RRBP1: variants seen among roughly 807,000 people sequenced by gnomAD.
RRBP1 encodes the protein ribosome binding protein 1.
In RRBP1, 94 loss-of-function variants were observed where a neutral mutation model predicts 165.2. The observed-to-expected ratio is 0.57, with a 90% CI of 0.48 to 0.68. The LOEUF is 0.68. RRBP1 is among the 30% of genes least tolerant of loss of function. The pLI is 0.00. For missense variants in RRBP1, 1,676 were observed against 1,763.0 expected, an observed-to-expected ratio of 0.95 and a Z score of 0.88; for synonymous variants, 680 against 714.5, an observed-to-expected ratio of 0.95 and a Z score of 0.77.
chr20:17,652,393 G>A (rs758601831), intron 3 of RRBP1, among the ~76,000 whole-genome samples: 14 of 152,176 alleles, frequency 9.2e-5, no homozygotes, highest in Non-Finnish European at 1.9e-4. Context: ...TCCCATATGG[G>A]ACAGCACAGC....
At chr20:17,674,908 G>A (rs1318308142) in intron 2 of RRBP1, among the ~76,000 whole-genome samples, 1 of 152,212 alleles carries the variant, frequency 6.6e-6, no homozygotes, top group Non-Finnish European at 1.5e-5. Context: ...AATGCTCAGT[G>A]ACTCTGCAAG....
chr20:17,681,208 G>A (rs2037176764), intron 1 of RRBP1, among the ~76,000 whole-genome samples: 1 of 148,626 alleles, frequency 6.7e-6, no homozygotes, highest in Admixed American at 6.7e-5. Context: ...CGGGCGGGGC[G>A]GGCCGGGCCC....
intron 19 of RRBP1, chr20:17,619,055 T>C (rs1352525758): frequency 4.4e-6 from 1 of 225,670 alleles, no homozygotes; most frequent in Non-Finnish European, 8.8e-6. Flanking sequence ...CCTAAGCAGC[T>C]GGGAACGGAG....
intron 13 of RRBP1, among the ~76,000 whole-genome samples, chr20:17,622,579 C>T (rs2035935962): frequency 6.6e-6 from 1 of 152,040 alleles, no homozygotes; most frequent in Non-Finnish European, 1.5e-5. Flanking sequence ...ACTTTGCACC[C>T]TGTGCCATGC....
Position 17,641,842 on chromosome 20 carries a change from C to G in RRBP1, c.2139G>C (p.Gln713His), listed in dbSNP as rs753687133. The change falls in exon 5 of 25, where the codon CAG (glutamine) becomes CAC (histidine). Residue 713 changes from glutamine (Q) to histidine (H), a missense_variant. By Grantham distance (24) the Gln-to-His change is conservative. Coordinates refer to ENST00000377813, the MANE Select transcript of RRBP1 (RefSeq NM_001365613.2). ...TGCTCTTGGCGACAGCCGCATCTTC[C>G]TGTTCTGTGGCCAGCAGTTTTTCCT... ...EEKEKLLATE[Q>H]EDAAVAKSKL... 6.2e-7 allele frequency: 1 copy of G among 1,613,998 alleles called. No individual in the cohort carries two copies. The highest frequency in any genetic ancestry group is 1.7e-5 in the Admixed American group (1 of 60,028).
chr20:17,621,875 G>C lies in RRBP1; in HGVS notation c.3220C>G (p.Leu1074Val). ...CCTACCTGTTGTGCCAAGACAGAGA[G>C]TTCTGGGAGCAGAGCCAGCAGGGCC... ...MEALLALLPE[L>V]SVLAQQNYTE... Residue 1074 changes from leucine (L) to valine (V), a missense_variant, in exon 14 of 25, where the codon CTC becomes GTC. By Grantham distance (32) the Leu-to-Val change is conservative (BLOSUM62 1). This residue lies in a region of RRBP1 where 1,184 missense variants were observed against 1,167.1 expected (regional missense o/e 1.01). Coordinates refer to ENST00000377813, the MANE Select transcript of RRBP1 (RefSeq NM_001365613.2). 2 of 1,613,916 alleles carry C rather than the reference G, an allele frequency of 1.2e-6. No individual in the cohort carries two copies. Among genetic ancestry groups the C allele is most frequent in the Non-Finnish European group, 8.5e-7 (1 of 1,179,978 alleles).
At chr20:17,668,193 G>C (rs1368777902) in intron 2 of RRBP1, among the ~76,000 whole-genome samples, 1 of 152,106 alleles carries the variant, frequency 6.6e-6, no homozygotes, top group Admixed American at 6.6e-5. Context: ...TTCGAAAATG[G>C]CCTGCTCCCT....
rs139677789 is a variant in RRBP1 at position 17,624,527 on chromosome 20, T to C, written c.3147+49A>G. The C allele has an allele frequency of 9.1e-5, 116 of 1,271,852 alleles. No individual in the cohort carries two copies. In the African/African-American group the frequency reaches 1.6e-3, roughly 18 times the overall value. 78.8% of individuals were successfully genotyped at this position (1,271,852 alleles called of 1,614,324 possible). A position where few individuals can be genotyped will look rare whatever the true frequency, so the allele number is the denominator to read the frequency against. On this transcript the variant is annotated intron_variant, in intron 13 of 24. Coordinates refer to ENST00000377813, the MANE Select transcript of RRBP1 (RefSeq NM_001365613.2). ...CTGTACGTCTTAGTGCATTTGTGCA[T>C]CCTAGTGCACTTTCCATGGTGGGGG...
At position 17,635,561 on chromosome 20, in the gene RRBP1, C is replaced by T; in HGVS notation, c.2441G>A (p.Ser814Asn). Residue 814 changes from serine to asparagine, a missense_variant, in exon 7 of 25, where the codon AGC becomes AAC. Coordinates refer to ENST00000377813, the MANE Select transcript of RRBP1 (RefSeq NM_001365613.2). ...ILRDALNQAT[S>N]QVESKQNAEL... ...CTCAGCTTACTTGCTCTCCACCTGGCTCGTGGCCTGGTTCAAGGCATCCCG... is the reference window on the plus strand; with the variant it reads ...CTCAGCTTACTTGCTCTCCACCTGGTTCGTGGCCTGGTTCAAGGCATCCCG... 1 of 1,611,778 alleles carries T rather than the reference C, an allele frequency of 6.2e-7. No individual in the cohort carries two copies. Among genetic ancestry groups the T allele is most frequent in the Non-Finnish European group, 8.5e-7 (1 of 1,179,320 alleles).
At chr20:17,644,615 C>T (rs1218693716) in intron 3 of RRBP1, among the ~76,000 whole-genome samples, 3 of 152,246 alleles carry the variant, frequency 2.0e-5, no homozygotes, top group East Asian at 3.9e-4. Flanking sequence ...CTGCTTCAGC[C>T]GGCGTCTAGC....
At chr20:17,626,352 T>C (rs1419557253) in intron 11 of RRBP1, among the ~76,000 whole-genome samples, 1 of 152,144 alleles carries the variant, frequency 6.6e-6, no homozygotes, top group African/African-American at 2.4e-5. Flanking sequence ...AGTTTGCCCA[T>C]GCTTTTTGGG....
At chr20:17,645,046 T>C (rs2036438183) in intron 3 of RRBP1, among the ~76,000 whole-genome samples, 1 of 152,202 alleles carries the variant, frequency 6.6e-6, no homozygotes, top group Non-Finnish European at 1.5e-5. Flanking sequence ...AAGTGCCCCC[T>C]GCTGAATTCC....
Position 17,627,579 on chromosome 20 carries a change from G to C in RRBP1, c.2853C>G (p.Ser951=), listed in dbSNP as rs764142933. ...GQLQEARAEN[S]QLTERIRSIE... is the part of the protein sequence containing the mutation. ...TGGAACGGATTCTCTCTGTGAGCTGGGAGTTCTCCGCCCTGGCCTCCTGGA... is the reference window on the plus strand; with the variant it reads ...TGGAACGGATTCTCTCTGTGAGCTGCGAGTTCTCCGCCCTGGCCTCCTGGA... The change falls in exon 10 of 25, where the codon TCC becomes TCG. Residue 951 remains serine (S), a synonymous_variant. Coordinates refer to ENST00000377813, the MANE Select transcript of RRBP1 (RefSeq NM_001365613.2). 1.9e-6 allele frequency: 3 copies of C among 1,613,578 alleles called. No homozygotes were observed. The highest frequency in any genetic ancestry group is 8.5e-7 in the Non-Finnish European group (1 of 1,179,948).
At chr20:17,646,395 G>A (rs1031253512) in intron 3 of RRBP1, among the ~76,000 whole-genome samples, 12 of 152,244 alleles carry the variant, frequency 7.9e-5, no homozygotes, top group Admixed American at 2.6e-4. Flanking sequence ...CTTGGGCAGT[G>A]GGGCACCAAG....
At chr20:17,650,075 C>G (rs1020572812) in intron 3 of RRBP1, among the ~76,000 whole-genome samples, 2 of 152,040 alleles carry the variant, frequency 1.3e-5, no homozygotes, top group Non-Finnish European at 2.9e-5. Flanking sequence ...TCAAAACACC[C>G]AGAAGGATGA....
rs754292955 is a variant in RRBP1, at chr20:17,681,001, A to G, written c.-98-926T>C. On this transcript the variant is annotated intron_variant, in intron 1 of 24. Transcript: ENST00000377813. ...CTAGAGCTAAAACTCGCGACTTATC[A>G]TTCGGAGAGGGGTCCCTGAAGCACT... Among the ~76,000 whole-genome samples the G allele has an allele frequency of 5.3e-5, 8 of 151,996 alleles. No homozygotes were observed. The East Asian group carries it at 1.6e-3, about 30-fold the overall frequency.
At chr20:17,617,408 C>A (rs2035822298) in intron 20 of RRBP1, among the ~76,000 whole-genome samples, 1 of 152,180 alleles carries the variant, frequency 6.6e-6, no homozygotes, top group South Asian at 2.1e-4. Context: ...CCAGGTGGGG[C>A]CCTTGGCATA....
intron 3 of RRBP1, among the ~76,000 whole-genome samples, chr20:17,657,822 AGGGT>A (rs544580985): frequency 4.7e-4 from 72 of 152,340 alleles, no homozygotes; most frequent in African/African-American, 1.6e-3. Context: ...CCAAATGACT[AGGGT>A]GGCGCAGGGG....
intron 2 of RRBP1, among the ~76,000 whole-genome samples, chr20:17,665,748 C>A (rs2036857137): frequency 6.6e-6 from 1 of 152,174 alleles, no homozygotes; most frequent in Admixed American, 6.5e-5. Context: ...CTGAAGCCAG[C>A]CACCCAGGGT....
Sources: allele counts gnomAD v4.1 joint callset (sites outside exome capture counted in the v4.1 genomes callset), GRCh38; gene constraint gnomAD v4.1.1; regional missense constraint gnomAD v4.1.1; transcripts MANE v1.5; gene names NCBI Gene and HGNC (gene_info 2026-07-23, HGNC 2026-07-21).